CLYBL: variants seen among roughly 807,000 people sequenced by gnomAD.
CLYBL encodes the protein citramalyl-CoA lyase, mitochondrial.
A neutral mutation model predicts 38.9 loss-of-function variants in CLYBL; 31 were observed. That is an observed-to-expected ratio of 0.80 (90% CI 0.60 to 1.08). The LOEUF is 1.08. Ranked by LOEUF, CLYBL falls within the 50% of genes least tolerant of loss-of-function variation. The pLI is 0.00. For missense variants in CLYBL, 434 were observed against 411.6 expected, an observed-to-expected ratio of 1.05 and a Z score of -0.47; for synonymous variants, 171 against 158.6, an observed-to-expected ratio of 1.08 and a Z score of -0.59.
chr13:99,694,187 T>A, intron 1 of CLYBL, among the ~76,000 whole-genome samples: 1 of 152,138 alleles, frequency 6.6e-6, no homozygotes, highest in East Asian at 1.9e-4. Context: ...CTGCTCTGTG[T>A]CTTCCCTCCC....
At chr13:99,787,747 G>A (rs1440101973) in intron 2 of CLYBL, among the ~76,000 whole-genome samples, 1 of 152,198 alleles carries the variant, frequency 6.6e-6, no homozygotes, top group Non-Finnish European at 1.5e-5. Flanking sequence ...AAAGTCATTG[G>A]TAGCTTGATG....
Position 99,722,839 on chromosome 13 carries a change from C to A in CLYBL, c.63-49985C>A, listed in dbSNP as rs562655675. On this transcript the variant is annotated intron_variant, in intron 1 of 8. Coordinates refer to ENST00000339105, the MANE Select transcript of CLYBL (RefSeq NM_206808.5). ...GTGGACTGACGACTGAGTTCCCATG[C>A]CGCTTGCTGGTGGCTTCACACAGCA... Among the ~76,000 whole-genome samples, 6 of 152,360 alleles carry A rather than the reference C, an allele frequency of 3.9e-5. No individual in the cohort carries two copies. The South Asian group carries it at 1.2e-3, about 32-fold the overall frequency.
chr13:99,671,100 G>C (rs2047558945), intron 1 of CLYBL, among the ~76,000 whole-genome samples: 2 of 152,090 alleles, frequency 1.3e-5, no homozygotes, highest in Admixed American at 1.3e-4. Flanking sequence ...CTGCCTCAGG[G>C]TTGTTGCACT....
At chr13:99,712,181 A>G (rs2048244404) in intron 1 of CLYBL, among the ~76,000 whole-genome samples, 1 of 152,208 alleles carries the variant, frequency 6.6e-6, no homozygotes, top group Non-Finnish European at 1.5e-5. Flanking sequence ...TGGAAGTTGA[A>G]GACAGTTCTC....
intron 2 of CLYBL, among the ~76,000 whole-genome samples, chr13:99,855,061 T>C (rs1347032350): frequency 6.6e-6 from 1 of 152,202 alleles, no homozygotes; most frequent in African/African-American, 2.4e-5. Flanking sequence ...GGATCAAACA[T>C]GATCCAGAAC....
intron 2 of CLYBL, among the ~76,000 whole-genome samples, chr13:99,808,337 C>CGA (rs2050273508): frequency 6.6e-6 from 1 of 152,102 alleles, no homozygotes; most frequent in African/African-American, 2.4e-5. Context: ...CAGCCTGCCT[C>CGA]GGCCTCCCAA....
chr13:99,698,335 GT>G (rs5806133), intron 1 of CLYBL, among the ~76,000 whole-genome samples: 110,499 of 148,424 alleles, frequency 0.74, 41,212 homozygotes, highest in Non-Finnish European at 0.78. Flanking sequence ...CCTGGCTGCT[GT>G]TTTTTTTTTT....
chr13:99,622,952 C>A (rs1293736406), intron 1 of CLYBL, among the ~76,000 whole-genome samples: 1 of 152,174 alleles, frequency 6.6e-6, no homozygotes, highest in African/African-American at 2.4e-5. Context: ...CCTGCCTCAA[C>A]CTTCCAAGTA....
intron 1 of CLYBL, among the ~76,000 whole-genome samples, chr13:99,724,956 G>A (rs1209058405): frequency 6.6e-6 from 1 of 152,218 alleles, no homozygotes; most frequent in Non-Finnish European, 1.5e-5. Flanking sequence ...TTAAGAGAGA[G>A]ACTTTGATTA....
chr13:99,904,508 C>A (rs1432401606), intron 8 of CLYBL, among the ~76,000 whole-genome samples: 1 of 152,166 alleles, frequency 6.6e-6, no homozygotes, highest in African/African-American at 2.4e-5. Flanking sequence ...ATTCACATCC[C>A]TGAATGATTG....
intron 1 of CLYBL, among the ~76,000 whole-genome samples, chr13:99,685,509 C>T (rs2047803724): frequency 6.6e-6 from 1 of 151,668 alleles, no homozygotes; most frequent in South Asian, 2.1e-4. Flanking sequence ...TAACCACATA[C>T]AATGATTTTG....
intron 1 of CLYBL, among the ~76,000 whole-genome samples, chr13:99,663,456 T>G (rs2047437381): frequency 6.6e-6 from 1 of 152,146 alleles, no homozygotes; most frequent in South Asian, 2.1e-4. Context: ...TAGTGTGCCC[T>G]CACATTCCAC....
chr13:99,864,016 C>A lies in CLYBL; in HGVS notation c.541-802C>A, dbSNP rs117893592. Among the ~76,000 whole-genome samples, 6 of 152,314 alleles carry A rather than the reference C, an allele frequency of 3.9e-5. No homozygotes were observed. The East Asian group carries it at 1.2e-3, about 29-fold the overall frequency. On this transcript the variant is annotated intron_variant, in intron 4 of 8. Coordinates refer to ENST00000339105, the MANE Select transcript of CLYBL (RefSeq NM_206808.5). Reference sequence around the variant, plus strand: ...GTGAGCAGCTTGTTTACACAACTAACCATACATTCTTCCAGCCAGCCCCAG... The same window carrying A: ...GTGAGCAGCTTGTTTACACAACTAAACATACATTCTTCCAGCCAGCCCCAG...
chr13:99,851,390 A>G (rs981458700), intron 2 of CLYBL, among the ~76,000 whole-genome samples: 1 of 139,868 alleles, frequency 7.1e-6, no homozygotes, highest in South Asian at 2.3e-4. Context: ...AAAAAAAAAA[A>G]GGTTTGGAAA....
At chr13:99,755,480 T>C (rs1255253116) in intron 1 of CLYBL, among the ~76,000 whole-genome samples, 1 of 152,116 alleles carries the variant, frequency 6.6e-6, no homozygotes, top group Non-Finnish European at 1.5e-5. Flanking sequence ...GCCTCTTCTC[T>C]CCCTGTTGCT....
At chr13:99,851,097 G>A (rs1342440772) in intron 2 of CLYBL, among the ~76,000 whole-genome samples, 1 of 152,158 alleles carries the variant, frequency 6.6e-6, no homozygotes, top group African/African-American at 2.4e-5. Context: ...AATAGGCCAG[G>A]TGTGGTGGCT....
At chr13:99,628,147 C>CTGGCATATCTGAT (rs1271201792) in intron 1 of CLYBL, among the ~76,000 whole-genome samples, 3 of 152,194 alleles carry the variant, frequency 2.0e-5, no homozygotes, top group Admixed American at 6.5e-5. Flanking sequence ...AAACTCGTGT[C>CTGGCATATCTGAT]TGGCATATCT....
At chr13:99,620,062 C>T (rs2046769961) in intron 1 of CLYBL, among the ~76,000 whole-genome samples, 1 of 152,194 alleles carries the variant, frequency 6.6e-6, no homozygotes, top group South Asian at 2.1e-4. Context: ...CTCATGGTGT[C>T]TCTGCCTGCA....
chr13:99,857,851 G>A (rs1010444766), intron 2 of CLYBL, among the ~76,000 whole-genome samples: 1 of 152,200 alleles, frequency 6.6e-6, no homozygotes, highest in Non-Finnish European at 1.5e-5. Context: ...GCAGTGAGAA[G>A]CTTTAAAGTT....
Sources: allele counts gnomAD v4.1 joint callset (sites outside exome capture counted in the v4.1 genomes callset), GRCh38; gene constraint gnomAD v4.1.1; transcripts MANE v1.5; gene names NCBI Gene and HGNC (gene_info 2026-07-23, HGNC 2026-07-21).